FRMD3: variants seen among roughly 807,000 people sequenced by gnomAD.
FRMD3 encodes FERM domain-containing protein 3.
A neutral mutation model predicts 70.2 loss-of-function variants in FRMD3; 33 were observed. That is an observed-to-expected ratio of 0.47 (90% CI 0.36 to 0.63). The LOEUF (loss-of-function observed/expected upper bound fraction) is 0.63. Among genes scored for constraint, FRMD3 ranks in the 20% least tolerant of loss-of-function variants. The probability of loss-of-function intolerance (pLI) is 0.00; values close to 1 mark genes in which losing one functional copy is unlikely to be tolerated. For missense variants in FRMD3, 632 were observed against 711.4 expected, an observed-to-expected ratio of 0.89 and a Z score of 1.27; for synonymous variants, 279 against 255.9, an observed-to-expected ratio of 1.09 and a Z score of -0.86.
intron 13 of FRMD3, among the ~76,000 whole-genome samples, chr9:83,284,489 A>T (rs974980744): frequency 3.9e-5 from 6 of 151,960 alleles, no homozygotes; most frequent in Non-Finnish European, 8.8e-5. Context: ...GTGCCTGTAG[A>T]CCCAGCTACT....
At chr9:83,533,728 C>A (rs909397706) in intron 1 of FRMD3, among the ~76,000 whole-genome samples, 27 of 152,104 alleles carry the variant, frequency 1.8e-4, no homozygotes, top group African/African-American at 6.5e-4. Flanking sequence ...CAGAATGTTC[C>A]TACTCTTGTG....
At chr9:83,500,043 T>C (rs1364919687) in intron 1 of FRMD3, among the ~76,000 whole-genome samples, 1 of 152,136 alleles carries the variant, frequency 6.6e-6, no homozygotes, top group African/African-American at 2.4e-5. Context: ...TACAAAAATA[T>C]GGTGACAGTA....
intron 13 of FRMD3, among the ~76,000 whole-genome samples, chr9:83,289,801 A>G (rs771566475): frequency 3.9e-5 from 6 of 152,256 alleles, no homozygotes; most frequent in Non-Finnish European, 8.8e-5. Flanking sequence ...AATTAATTTC[A>G]TCAACTTAAT....
chr9:83,408,047 G>A (rs578081848), intron 1 of FRMD3, among the ~76,000 whole-genome samples: 15 of 151,596 alleles, frequency 9.9e-5, no homozygotes, highest in African/African-American at 3.1e-4. Flanking sequence ...TGCAAGATGA[G>A]CATTCCCAAA....
chr9:83,545,534 T>C, the FRMD3 span, among the ~76,000 whole-genome samples: 1 of 151,898 alleles, frequency 6.6e-6, no homozygotes, highest in Non-Finnish European at 1.5e-5. Flanking sequence ...ATTTTTTGTA[T>C]TTTTAGTAGA....
At chr9:83,421,404 G>C (rs1045705462) in intron 1 of FRMD3, among the ~76,000 whole-genome samples, 1 of 152,190 alleles carries the variant, frequency 6.6e-6, no homozygotes, top group African/African-American at 2.4e-5. Context: ...TTTTTGCATT[G>C]AATCCTCATC....
At chr9:83,565,440 CA>C in the FRMD3 span, among the ~76,000 whole-genome samples, 2 of 152,152 alleles carry the variant, frequency 1.3e-5, no homozygotes, top group East Asian at 3.9e-4. Flanking sequence ...AGAGCTGAAA[CA>C]TAAGGAAGCC....
intron 13 of FRMD3, among the ~76,000 whole-genome samples, chr9:83,250,688 G>A (rs1289868295): frequency 6.6e-6 from 1 of 152,230 alleles, no homozygotes; most frequent in East Asian, 1.9e-4. Context: ...GGAGAACAGA[G>A]ATAGACCAGA....
chr9:83,524,950 C>A (rs1010487026), intron 1 of FRMD3, among the ~76,000 whole-genome samples: 2 of 152,106 alleles, frequency 1.3e-5, no homozygotes, highest in Admixed American at 1.3e-4. Context: ...CAAAAAATAA[C>A]ATTAGCTAGA....
intron 1 of FRMD3, among the ~76,000 whole-genome samples, chr9:83,526,840 G>T (rs1282679910): frequency 1.3e-5 from 2 of 150,314 alleles, no homozygotes; most frequent in African/African-American, 4.9e-5. Flanking sequence ...CTAACTTCTT[G>T]ATCAAAACAA....
chr9:83,378,264 T>TTG lies in FRMD3; in HGVS notation c.253-5310_253-5309insCA, dbSNP rs1217264943. Among the ~76,000 whole-genome samples the TTG allele has an allele frequency of 4.2e-3, 598 of 142,168 alleles. 15 individuals are homozygous for TTG. Among genetic ancestry groups the TTG allele is most frequent in the Non-Finnish European group, 4.7e-3 (315 of 66,444 alleles). The allele number at this position is 142,168 out of a possible 152,430, so 93.3% of individuals were successfully genotyped here. ...TCTAACTGTGTCCTTCTTTTTTGTTTTTTTTGTTTTTTTTGAGACAGAGTC... is the reference window on the plus strand; with the variant it reads ...TCTAACTGTGTCCTTCTTTTTTGTTTTGTTTTTGTTTTTTTTGAGACAGAGTC... On this transcript the variant is annotated intron_variant, in intron 2 of 13. Transcript: ENST00000304195.
chr9:83,378,186 T>G (rs922802362), intron 2 of FRMD3, among the ~76,000 whole-genome samples: 1 of 152,088 alleles, frequency 6.6e-6, no homozygotes, highest in Non-Finnish European at 1.5e-5. Context: ...TGTTACCATC[T>G]TTAGGCTCCA....
chr9:83,292,908 G>C (rs1305621079), intron 12 of FRMD3, among the ~76,000 whole-genome samples: 1 of 151,792 alleles, frequency 6.6e-6, no homozygotes, highest in Non-Finnish European at 1.5e-5. Flanking sequence ...GCCTCCCAAA[G>C]TGCTGGGATT....
intron 3 of FRMD3, among the ~76,000 whole-genome samples, chr9:83,368,586 C>T (rs1040594709): frequency 1.3e-5 from 2 of 152,120 alleles, no homozygotes; most frequent in African/African-American, 4.8e-5. Context: ...AATTAAGTAA[C>T]TGTGTAATTA....
intron 6 of FRMD3, among the ~76,000 whole-genome samples, chr9:83,322,315 C>T (rs541714871): frequency 6.6e-6 from 1 of 152,214 alleles, no homozygotes; most frequent in Non-Finnish European, 1.5e-5. Context: ...TCATTAAACT[C>T]TCAAAATGAT....
chr9:83,357,247 A>G, intron 3 of FRMD3, among the ~76,000 whole-genome samples: 8 of 534 alleles, frequency 0.015, 2 homozygotes, highest in African/African-American at 0.036. Context: ...TAATACATAC[A>G]TATATATATA....
chr9:83,481,401 T>C (rs1017672892), intron 1 of FRMD3, among the ~76,000 whole-genome samples: 1 of 152,144 alleles, frequency 6.6e-6, no homozygotes, highest in African/African-American at 2.4e-5. Context: ...AGTACAGATA[T>C]CTCTATAAAA....
At chr9:83,495,384 A>G (rs1454065621) in intron 1 of FRMD3, among the ~76,000 whole-genome samples, 3 of 152,238 alleles carry the variant, frequency 2.0e-5, no homozygotes, top group Non-Finnish European at 2.9e-5. Flanking sequence ...GTAAGGGGAC[A>G]GAGCCAGACT....
intron 1 of FRMD3, among the ~76,000 whole-genome samples, chr9:83,508,207 C>A (rs1243983423): frequency 6.6e-6 from 1 of 152,134 alleles, no homozygotes. Context: ...ACATGAAGTT[C>A]AACAACAGGA....
Sources: gnomAD v4.1 joint callset for allele counts (sites outside exome capture counted in the v4.1 genomes callset) on GRCh38, gnomAD v4.1.1 for gene constraint, MANE v1.5 for transcripts, NCBI Gene and HGNC (gene_info 2026-07-23, HGNC 2026-07-21) for gene names.